The following ARHGEF10 variants were observed in gnomAD, a reference collection of about 807,000 sequenced individuals.
The protein encoded by ARHGEF10 is Rho guanine nucleotide exchange factor 10.
Under a neutral mutation model 147.4 loss-of-function variants are expected in ARHGEF10, and 140 were observed. That is an observed-to-expected ratio of 0.95 (90% CI 0.83 to 1.09). ARHGEF10 has a LOEUF of 1.09. Among genes scored for constraint, ARHGEF10 ranks in the 50% least tolerant of loss-of-function variants. ARHGEF10 has a pLI of 0.00. For synonymous variants in ARHGEF10, 902 were observed against 695.8 expected (o/e 1.30, Z -4.67); for missense variants, 2,222 against 1,752.7 (o/e 1.27, Z -4.78).
intron 24 of ARHGEF10, 36 bp from the exon 25 acceptor site, chr8:1,929,250 C>G (rs770011069): frequency 8.7e-6 from 14 of 1,609,086 alleles, no homozygotes; most frequent in Admixed American, 1.7e-5. Context: ...TTACAACGAG[C>G]AAATATATTT....
At chr8:1,949,518 T>G (rs1260162582) in intron 27 of ARHGEF10, among the ~76,000 whole-genome samples, 3 of 152,196 alleles carry the variant, frequency 2.0e-5, no homozygotes, top group Non-Finnish European at 1.5e-5. Context: ...GGCAGATGTT[T>G]CCTGCTCTGT....
intron 2 of ARHGEF10, among the ~76,000 whole-genome samples, chr8:1,844,666 A>T (rs1804412596): frequency 6.6e-6 from 1 of 152,078 alleles, no homozygotes; most frequent in Admixed American, 6.5e-5. Flanking sequence ...TCTGGGGGTG[A>T]CGTCGGCCGG....
intron 7 of ARHGEF10, 69 bp downstream of exon 7, chr8:1,869,319 G>C: frequency 1.5e-6 from 2 of 1,378,890 alleles, no homozygotes; most frequent in Non-Finnish European, 2.1e-6. Flanking sequence ...ATGCCAAAGT[G>C]ACTATTTAGT....
chr8:1,914,977 T>C (rs989503490), intron 18 of ARHGEF10, among the ~76,000 whole-genome samples: 1 of 152,202 alleles, frequency 6.6e-6, no homozygotes, highest in African/African-American at 2.4e-5. Flanking sequence ...GCCTGTGGAA[T>C]GTGACACCAA....
At chr8:1,925,153 A>C in intron 21 of ARHGEF10, 130 bp from the exon 22 acceptor site, 2 of 1,143,570 alleles carry the variant, frequency 1.7e-6, no homozygotes, top group South Asian at 2.7e-5. Flanking sequence ...TCCACAAGTA[A>C]AACATGGCGT....
At chr8:1,953,175 C>G (rs537435007) in intron 28 of ARHGEF10, among the ~76,000 whole-genome samples, 24 of 146,424 alleles carry the variant, frequency 1.6e-4, no homozygotes, top group African/African-American at 6.3e-4. Context: ...AAGCCGGGAT[C>G]TCCGTCATTC....
chr8:1,879,137 C>T (rs1170998015), intron 8 of ARHGEF10, among the ~76,000 whole-genome samples: 1 of 151,704 alleles, frequency 6.6e-6, no homozygotes, highest in African/African-American at 2.4e-5. Context: ...TAAAAACTTC[C>T]TAAAGTGTCT....
intron 10 of ARHGEF10, among the ~76,000 whole-genome samples, chr8:1,883,879 C>A (rs1808424146): frequency 6.6e-6 from 1 of 152,144 alleles, no homozygotes; most frequent in African/African-American, 2.4e-5. Context: ...CAGCAGCAAC[C>A]CCCCAACTGG....
chr8:1,842,264 C>T (rs1804154045), intron 1 of ARHGEF10, among the ~76,000 whole-genome samples: 1 of 152,020 alleles, frequency 6.6e-6, no homozygotes, highest in Non-Finnish European at 1.5e-5. Context: ...AGGTTGGGGG[C>T]AGGGTCCCAC....
chr8:1,859,729 A>C (rs767239570), intron 3 of ARHGEF10, among the ~76,000 whole-genome samples, 168 bp from the exon 4 acceptor site: 3 of 152,004 alleles, frequency 2.0e-5, no homozygotes, highest in Non-Finnish European at 2.9e-5. Flanking sequence ...TGGGTTCCCC[A>C]TGTGTGAGTG....
At chr8:1,880,602 A>G (rs955748040) in intron 9 of ARHGEF10, among the ~76,000 whole-genome samples, 5 of 152,246 alleles carry the variant, frequency 3.3e-5, no homozygotes, top group African/African-American at 4.8e-5. Context: ...TGCAGTAAAT[A>G]TTGATACATA....
At chr8:1,844,517 A>T (rs1023130255) in intron 2 of ARHGEF10, among the ~76,000 whole-genome samples, 1 of 119,162 alleles carries the variant, frequency 8.4e-6, no homozygotes, top group Non-Finnish European at 1.9e-5. Flanking sequence ...GCCAGAAGGG[A>T]TGCCCACTCC....
intron 17 of ARHGEF10, 109 bp downstream of exon 17, chr8:1,905,825 T>C: frequency 7.0e-7 from 1 of 1,427,350 alleles, no homozygotes; most frequent in Non-Finnish European, 9.7e-7. Context: ...AACTGGTTTT[T>C]TGTGCCAAAG....
chr8:1,836,855 T>G (rs1180273576), intron 1 of ARHGEF10, among the ~76,000 whole-genome samples: 2 of 152,208 alleles, frequency 1.3e-5, no homozygotes, highest in Non-Finnish European at 2.9e-5. Context: ...TGATAGTGAA[T>G]AAGTCTCACG....
chr8:1,882,654 C>A lies in ARHGEF10; in HGVS notation c.980C>A (p.Ala327Asp). 5 of 1,554,406 alleles carry A rather than the reference C, an allele frequency of 3.2e-6. No homozygotes were observed. The highest frequency in any genetic ancestry group is 1.4e-5 in the African/African-American group (1 of 73,478). The change falls in exon 10 of 29, where the codon GCC (alanine) becomes GAC (aspartate). Residue 327 changes from alanine to aspartate, a missense_variant. Ala to Asp is a moderately radical substitution (Grantham distance 126). Coordinates refer to ENST00000349830, the MANE Select transcript of ARHGEF10 (RefSeq NM_014629.4). ...TCGCAGATGCAGAAGCTCGTGAAGG[C>A]CGCGAAGGACGGCACCAAGGACGGG... ...HELKMQKLVK[A>D]AKDGTKDGLE...
intron 2 of ARHGEF10, among the ~76,000 whole-genome samples, chr8:1,857,610 G>A (rs748177472): frequency 2.0e-5 from 3 of 151,686 alleles, no homozygotes; most frequent in East Asian, 1.9e-4. Flanking sequence ...AGTAGAGATG[G>A]GGTTTCACCA....
At chr8:1,849,882 TG>T in intron 2 of ARHGEF10, among the ~76,000 whole-genome samples, 2 of 138,884 alleles carry the variant, frequency 1.4e-5, no homozygotes, top group South Asian at 2.3e-4. Context: ...GAGGAGGGCG[TG>T]GGGCGACCAT....
intron 1 of ARHGEF10, among the ~76,000 whole-genome samples, chr8:1,841,305 G>A (rs1283808142): frequency 6.6e-6 from 1 of 152,228 alleles, no homozygotes; most frequent in Non-Finnish European, 1.5e-5. Context: ...CACGTGTGAG[G>A]CCTGCAGCCC....
chr8:1,885,699 C>G lies in ARHGEF10; in HGVS notation c.1174C>G (p.Gln392Glu). The G allele has an allele frequency of 6.2e-7, 1 of 1,613,466 alleles. No individual in the cohort carries two copies. Among genetic ancestry groups the G allele is most frequent in the Non-Finnish European group, 8.5e-7 (1 of 1,179,514 alleles). ...GACCCCGATGCCCGAGGGTTTATCTCAGCAGCAGGTGAGATGAGCAGAGCT... is the reference window on the plus strand; with the variant it reads ...GACCCCGATGCCCGAGGGTTTATCTGAGCAGCAGGTGAGATGAGCAGAGCT... ...ILTPMPEGLS[Q>E]QQVVRRYILG... Residue 392 changes from glutamine to glutamate, a missense_variant, in exon 11 of 29, where the codon CAG (glutamine) becomes GAG (glutamate). Transcript: ENST00000349830.
Sources: gnomAD v4.1 joint callset for allele counts (sites outside exome capture counted in the v4.1 genomes callset) on GRCh38, gnomAD v4.1.1 for gene constraint, MANE v1.5 for transcripts, NCBI Gene and HGNC (gene_info 2026-07-23, HGNC 2026-07-21) for gene names.